The following ICA1 variants were observed in gnomAD, a reference collection of about 807,000 sequenced individuals.
ICA1 encodes the protein islet cell autoantigen 1, also known as 69 kDa islet cell autoantigen.
In ICA1, 40 loss-of-function variants were observed where a neutral mutation model predicts 71.0. That is an observed-to-expected ratio of 0.56 (90% CI 0.44 to 0.73). ICA1 has a LOEUF of 0.73. Among genes scored for constraint, ICA1 ranks in the 30% least tolerant of loss-of-function variants. The pLI, the probability that ICA1 is intolerant of heterozygous loss-of-function variation, is 0.00. For missense variants in ICA1, 578 were observed against 576.5 expected (o/e 1.00, Z -0.03); for synonymous variants, 207 against 209.5 (o/e 0.99, Z 0.10).
chr7:8,209,336 T>A (rs962440909), intron 6 of ICA1, among the ~76,000 whole-genome samples: 2 of 152,170 alleles, frequency 1.3e-5, no homozygotes, highest in Non-Finnish European at 2.9e-5. Flanking sequence ...TGCTTAATTT[T>A]AAAAAAACTG....
intron 9 of ICA1, 181 bp from the exon 10 acceptor site, chr7:8,141,998 C>T (rs1274767329): frequency 6.7e-7 from 1 of 1,496,218 alleles, no homozygotes; most frequent in East Asian, 2.6e-5. Context: ...CTTTCCCTTT[C>T]TGTAGCATCT....
chr7:8,218,205 G>A (rs370116234), intron 6 of ICA1, 100 bp downstream of exon 6: 1 of 973,746 alleles, frequency 1.0e-6, no homozygotes. Flanking sequence ...TTGCATCCTT[G>A]GTGCTTTTGA....
intron 6 of ICA1, among the ~76,000 whole-genome samples, chr7:8,207,976 G>A (rs891187823): frequency 4.6e-5 from 7 of 152,018 alleles, no homozygotes; most frequent in African/African-American, 1.4e-4. Context: ...TCCATTATAG[G>A]GCCAATACTG....
Position 8,210,664 on chromosome 7 carries a change from G to C in ICA1, c.579+7641C>G, listed in dbSNP as rs557484607. Among the ~76,000 whole-genome samples, 81 of 150,870 alleles carry C rather than the reference G, an allele frequency of 5.4e-4. 1 individual carries two copies. Among genetic ancestry groups the C allele is most frequent in the Middle Eastern group, 6.8e-3 (2 of 292 alleles). ...CCACAGAGGGGAAAAAAAAATCCCTGAACACAAAGGTGGGTTGTCTAACCA... is the reference window on the plus strand; with the variant it reads ...CCACAGAGGGGAAAAAAAAATCCCTCAACACAAAGGTGGGTTGTCTAACCA... On this transcript the variant is annotated intron_variant, in intron 6 of 13. Transcript: ENST00000402384.
At chr7:8,136,547 C>T (rs985653994) in intron 12 of ICA1, among the ~76,000 whole-genome samples, 13 of 152,102 alleles carry the variant, frequency 8.5e-5, no homozygotes, top group African/African-American at 2.9e-4. Context: ...ATATTTAAGC[C>T]GACGCTACCC....
intron 6 of ICA1, among the ~76,000 whole-genome samples, chr7:8,217,441 A>C (rs1332803228): frequency 6.6e-6 from 1 of 152,216 alleles, no homozygotes; most frequent in Non-Finnish European, 1.5e-5. Context: ...AATAATGTAC[A>C]TAATAAGAAA....
chr7:8,225,263 G>A (rs571687360), intron 4 of ICA1, among the ~76,000 whole-genome samples: 2 of 152,122 alleles, frequency 1.3e-5, no homozygotes, highest in Non-Finnish European at 2.9e-5. Context: ...ATGAGAAAAA[G>A]CTGTCCCTTC....
At chr7:8,152,796 T>TCCACCACCATCA (rs1799782874) in intron 8 of ICA1, among the ~76,000 whole-genome samples, 20 of 49,582 alleles carry the variant, frequency 4.0e-4, no homozygotes, top group African/African-American at 1.7e-3. Context: ...CACCATCACC[T>TCCACCACCATCA]CCACCACCAC....
At chr7:8,156,296 A>G (rs1318605183) in intron 8 of ICA1, among the ~76,000 whole-genome samples, 1 of 152,252 alleles carries the variant, frequency 6.6e-6, no homozygotes, top group Non-Finnish European at 1.5e-5. Context: ...CAAGGTGATG[A>G]AACACATACA....
At chr7:8,249,839 A>G (rs530275028) in intron 1 of ICA1, among the ~76,000 whole-genome samples, 6 of 152,310 alleles carry the variant, frequency 3.9e-5, no homozygotes, top group East Asian at 1.9e-4. Flanking sequence ...TAGACTGACT[A>G]TTTCTTTTCA....
At position 8,127,395 on chromosome 7, in the gene ICA1, G is replaced by C. The variant is rs117541361; in HGVS notation, c.1330+478C>G. Among the ~76,000 whole-genome samples, 299 of 152,210 alleles carry C rather than the reference G, an allele frequency of 2.0e-3. 1 individual carries two copies. The highest frequency in any genetic ancestry group is 3.9e-3 in the South Asian group (19 of 4,814). On this transcript the variant is annotated intron_variant, in intron 13 of 13. Coordinates refer to ENST00000402384, the MANE Select transcript of ICA1 (RefSeq NM_001136020.3). ...GCAGAACCAGAAGAGTGGATCTAGT[G>C]GGGGGTCCTCAGGGGAGAGGTGGAT...
chr7:8,233,607 G>A (rs1005886280), intron 2 of ICA1, among the ~76,000 whole-genome samples: 6 of 152,052 alleles, frequency 3.9e-5, no homozygotes, highest in African/African-American at 1.2e-4. Context: ...TGTTGGCCAG[G>A]CTGGTCTCCA....
chr7:8,220,084 A>G (rs1055713540), intron 5 of ICA1, among the ~76,000 whole-genome samples: 3 of 152,226 alleles, frequency 2.0e-5, no homozygotes, highest in African/African-American at 7.2e-5. Flanking sequence ...TCTCTATTTT[A>G]AAATTTTTCT....
chr7:8,152,854 C>CCATCA (rs1799936721), intron 8 of ICA1, among the ~76,000 whole-genome samples: 1 of 142,040 alleles, frequency 7.0e-6, no homozygotes, highest in Non-Finnish European at 1.6e-5. Flanking sequence ...ACCACCATCA[C>CCATCA]CTCCTCCGCC....
At chr7:8,261,365 T>C (rs192767584) in intron 1 of ICA1, among the ~76,000 whole-genome samples, 3 of 152,136 alleles carry the variant, frequency 2.0e-5, no homozygotes, top group Admixed American at 6.5e-5. Flanking sequence ...CAACAGGATA[T>C]GTTCGTTTCT....
intron 8 of ICA1, among the ~76,000 whole-genome samples, chr7:8,145,235 C>T (rs144044454): frequency 2.0e-5 from 3 of 152,288 alleles, no homozygotes; most frequent in African/African-American, 7.2e-5. Context: ...CTAATATCAA[C>T]CTCTCTGACC....
chr7:8,148,349 G>C (rs937312994), intron 8 of ICA1, among the ~76,000 whole-genome samples: 3 of 151,912 alleles, frequency 2.0e-5, no homozygotes, highest in Admixed American at 6.5e-5. Flanking sequence ...CTACTGTTCT[G>C]ACTCCCTGTC....
chr7:8,225,984 T>C (rs1047321997), intron 4 of ICA1, among the ~76,000 whole-genome samples: 44 of 152,202 alleles, frequency 2.9e-4, no homozygotes, highest in African/African-American at 1.0e-3. Context: ...TAGTTAAAAA[T>C]AATTATGTTC....
In ICA1 at chr7:8,130,646, C is replaced by T. The variant is rs891801577; in HGVS notation, c.1061-2504G>A. Among the ~76,000 whole-genome samples, 45 of 152,180 alleles carry T rather than the reference C, an allele frequency of 3.0e-4. No homozygotes were observed. Among genetic ancestry groups the T allele is most frequent in the Admixed American group, 3.3e-4 (5 of 15,280 alleles). On this transcript the variant is annotated intron_variant, in intron 12 of 13. Coordinates refer to ENST00000402384, the MANE Select transcript of ICA1 (RefSeq NM_001136020.3). This position sits in a 1 kb window ranked among gnomAD's most constrained non-coding sequence, Gnocchi z 4.2. ...AATTTCAAATGCACCTTGGAAATGA[C>T]GTATGTTCCTTCTACAGTCGCTTTA...
Sources: gnomAD v4.1 joint callset for allele counts (sites outside exome capture counted in the v4.1 genomes callset) on GRCh38, gnomAD v4.1.1 for gene constraint, Gnocchi (gnomAD v3.1) non-coding constraint, MANE v1.5 for transcripts, NCBI Gene and HGNC (gene_info 2026-07-23, HGNC 2026-07-21) for gene names.